SENP6: variants seen among roughly 807,000 people sequenced by gnomAD.
SENP6 encodes sentrin-specific protease 6.
A neutral mutation model predicts 134.5 loss-of-function variants in SENP6; 41 were observed. That is an observed-to-expected ratio of 0.30 (90% CI 0.24 to 0.40). The LOEUF (loss-of-function observed/expected upper bound fraction) is 0.40, where lower values mean the gene tolerates loss of function less well. Ranked by LOEUF, SENP6 falls within the 10% of genes least tolerant of loss-of-function variation. The probability of loss-of-function intolerance (pLI) is 1.00; values close to 1 mark genes in which losing one functional copy is unlikely to be tolerated. For missense variants in SENP6, 1,248 were observed against 1,312.5 expected (o/e 0.95, Z 0.76); for synonymous variants, 395 against 429.8 (o/e 0.92, Z 1.00).
At chr6:75,613,138 CTA>C (rs1160754771) in intron 1 of SENP6, among the ~76,000 whole-genome samples, 2 of 150,758 alleles carry the variant, frequency 1.3e-5, no homozygotes, top group African/African-American at 4.9e-5. Flanking sequence ...GAAAAGAAAA[CTA>C]TGACCCAGCC....
chr6:75,636,442 TC>T (rs1259441854), intron 5 of SENP6, among the ~76,000 whole-genome samples: 4 of 152,172 alleles, frequency 2.6e-5, no homozygotes, highest in Admixed American at 6.6e-5. Context: ...TCGGTTTTCT[TC>T]CTTCAAAAAC....
intron 19 of SENP6, among the ~76,000 whole-genome samples, chr6:75,705,790 A>G (rs909697750): frequency 6.6e-6 from 1 of 151,850 alleles, no homozygotes; most frequent in African/African-American, 2.4e-5. Flanking sequence ...ATTTGGATGA[A>G]AAATATTGGT....
At chr6:75,694,064 C>T (rs1774484301) in intron 16 of SENP6, among the ~76,000 whole-genome samples, 1 of 152,156 alleles carries the variant, frequency 6.6e-6, no homozygotes, top group African/African-American at 2.4e-5. Context: ...CAAGACCAGC[C>T]TGAGCAACAT....
chr6:75,656,914 CTTTG>C (rs1771385277), intron 7 of SENP6, among the ~76,000 whole-genome samples: 1 of 152,086 alleles, frequency 6.6e-6, no homozygotes, highest in African/African-American at 2.4e-5. Flanking sequence ...TTGTTTCCCT[CTTTG>C]TTATGATGGT....
At chr6:75,668,842 A>G (rs1205168665) in intron 10 of SENP6, among the ~76,000 whole-genome samples, 1 of 152,228 alleles carries the variant, frequency 6.6e-6, no homozygotes, top group Non-Finnish European at 1.5e-5. Flanking sequence ...ACACTGAATC[A>G]TAAGGGTACC....
chr6:75,623,985 T>G (rs1259709957), intron 3 of SENP6, 25 bp downstream of exon 3: 1 of 1,561,742 alleles, frequency 6.4e-7, no homozygotes, highest in East Asian at 2.3e-5. Context: ...AAATATTTTC[T>G]TCTTTTACAT....
intron 16 of SENP6, among the ~76,000 whole-genome samples, chr6:75,693,062 T>A (rs1431655382): frequency 2.0e-5 from 3 of 152,060 alleles, no homozygotes; most frequent in African/African-American, 7.3e-5. Context: ...ATACATTTCC[T>A]TTTTTTAAGG....
At chr6:75,675,254 A>T (rs1208590742) in intron 11 of SENP6, among the ~76,000 whole-genome samples, 181 bp from the exon 12 acceptor site, 1 of 152,168 alleles carries the variant, frequency 6.6e-6, no homozygotes. Flanking sequence ...TTAACAGTTT[A>T]ACAGTTAGTG....
At chr6:75,697,329 C>A in intron 17 of SENP6, 96 bp from the exon 18 acceptor site, 1 of 818,202 alleles carries the variant, frequency 1.2e-6, no homozygotes, top group Non-Finnish European at 1.9e-6. Context: ...ACTGTTTGAG[C>A]TATTACATCT....
chr6:75,676,287 T>G (rs997727571), intron 13 of SENP6, among the ~76,000 whole-genome samples: 1 of 152,092 alleles, frequency 6.6e-6, no homozygotes, highest in African/African-American at 2.4e-5. Flanking sequence ...TTACAAAGTT[T>G]CTAAGTGGAT....
In SENP6 at chr6:75,602,579, A is replaced by G. The variant is rs934886181; in HGVS notation, c.52+3A>G. ...AGGGGAGATTACTTTTCTGGAAGGT[A>G]CGTCTGTTTCTGCCCTTGACGGGGA... is the stretch of plus-strand genomic sequence containing the variant. On this transcript the variant is annotated splice_donor_region_variant and intron_variant, in intron 1 of 23. Transcript: ENST00000447266. 10 of 1,551,312 alleles carry G rather than the reference A, an allele frequency of 6.4e-6. No individual in the cohort carries two copies. The East Asian group carries it at 1.7e-4, about 27-fold the overall frequency.
intron 6 of SENP6, among the ~76,000 whole-genome samples, chr6:75,643,656 A>T (rs1446369612): frequency 2.6e-5 from 4 of 152,216 alleles, no homozygotes; most frequent in Non-Finnish European, 5.9e-5. Context: ...TGGGAGGCGA[A>T]GGTTGCAGTA....
At chr6:75,660,051 T>C (rs1237916164) in intron 8 of SENP6, among the ~76,000 whole-genome samples, 1 of 152,224 alleles carries the variant, frequency 6.6e-6, no homozygotes, top group Non-Finnish European at 1.5e-5. Flanking sequence ...TGCATTGAAT[T>C]GCTGCGAATC....
rs191220062 is a variant in SENP6, at chr6:75,659,328, A to G, written c.617A>G (p.Gln206Arg). ...QVEPEIKRKV[Q>R]QKRHCSTYQP... Reference sequence around the variant, plus strand: ...GAGCCTGAAATTAAGAGGAAAGTACAACAGAAACGACACTGTAGTACCTAT... The same window carrying G: ...GAGCCTGAAATTAAGAGGAAAGTACGACAGAAACGACACTGTAGTACCTAT... Residue 206 changes from glutamine to arginine, a missense_variant, in exon 8 of 24, where the codon CAA (glutamine) becomes CGA (arginine). Around this residue, in one of 3 missense-constraint regions of SENP6, gnomAD observed 733 missense variants for 725.4 expected, o/e 1.01. Transcript: ENST00000447266. 2.4e-3 allele frequency: 3,911 copies of G among 1,610,324 alleles called. 9 individuals are homozygous for G. The highest frequency in any genetic ancestry group is 3.1e-3 in the Non-Finnish European group (3,669 of 1,176,674).
chr6:75,663,325 C>A lies in SENP6; in HGVS notation c.801C>A (p.Asn267Lys). ...HQNSGGQKSQ[N>K]TGLTTKKFYG... is the part of the protein sequence containing the mutation. ...ATTCTGGAGGACAGAAGTCACAAAA[C>A]ACAGGATTAACAACCAAGAAGTTTT... Residue 267 changes from asparagine to lysine, a missense_variant, in exon 9 of 24, where the codon AAC becomes AAA. Physicochemically the swap from Asn to Lys is moderately conservative, Grantham distance 94. Around this residue, in one of 3 missense-constraint regions of SENP6, gnomAD observed 733 missense variants for 725.4 expected, o/e 1.01. Transcript: ENST00000447266. 1 of 1,613,652 alleles carries A rather than the reference C, an allele frequency of 6.2e-7. No homozygotes were observed. The highest frequency in any genetic ancestry group is 8.5e-7 in the Non-Finnish European group (1 of 1,179,788).
intron 16 of SENP6, among the ~76,000 whole-genome samples, chr6:75,681,046 G>A (rs931534897): frequency 2.6e-5 from 4 of 152,122 alleles, no homozygotes; most frequent in Non-Finnish European, 4.4e-5. Flanking sequence ...AATATCAATA[G>A]ACATTAACAC....
intron 1 of SENP6, among the ~76,000 whole-genome samples, chr6:75,604,939 GGC>G (rs1289231609): frequency 6.6e-6 from 1 of 152,068 alleles, no homozygotes; most frequent in Non-Finnish European, 1.5e-5. Context: ...CTGGCGTGGT[GGC>G]GCGCGCCTGT....
chr6:75,670,718 A>G lies in SENP6; in HGVS notation c.1390A>G (p.Ile464Val), dbSNP rs200650537. The part of the protein sequence containing the change: ...TLFRLLIEPV[I>V]FCLDFIKIQL... The stretch of plus-strand genomic sequence containing the variant: ...CTTCCGGCTGTTAATAGAGCCTGTA[A>G]TTGTAAGTACATCTTAAGCTCTTTA... Residue 464 changes from isoleucine to valine, a missense_variant and splice_region_variant, in exon 11 of 24, where the codon ATT (isoleucine) becomes GTT (valine). Around this residue, in one of 3 missense-constraint regions of SENP6, gnomAD observed 733 missense variants for 725.4 expected, o/e 1.01. Coordinates refer to ENST00000447266, the MANE Select transcript of SENP6 (RefSeq NM_015571.4). 1.2e-5 allele frequency: 19 copies of G among 1,599,942 alleles called. No homozygotes were observed. In the East Asian group the frequency reaches 1.8e-4, roughly 15 times the overall value.
chr6:75,621,728 A>G (rs1768287214), intron 2 of SENP6, 103 bp downstream of exon 2: 1 of 650,850 alleles, frequency 1.5e-6, no homozygotes, highest in South Asian at 2.1e-5. Flanking sequence ...TGGTATTCTT[A>G]AGAAAACATA....
Sources: allele counts gnomAD v4.1 joint callset (sites outside exome capture counted in the v4.1 genomes callset), GRCh38; gene constraint gnomAD v4.1.1; regional missense constraint gnomAD v4.1.1; transcripts MANE v1.5; gene names NCBI Gene and HGNC (gene_info 2026-07-23, HGNC 2026-07-21).